SLC6A6: variants seen among roughly 807,000 people sequenced by gnomAD.
The protein encoded by SLC6A6 is sodium- and chloride-dependent taurine transporter.
A neutral mutation model predicts 68.8 loss-of-function variants in SLC6A6; 16 were observed. That is an observed-to-expected ratio of 0.23 (90% CI 0.16 to 0.35). SLC6A6 has a LOEUF of 0.35. Ranked by LOEUF, SLC6A6 falls within the 10% of genes least tolerant of loss-of-function variation. The pLI is 1.00. For missense variants in SLC6A6, 474 were observed against 802.8 expected, an observed-to-expected ratio of 0.59 and a Z score of 4.95; for synonymous variants, 312 against 315.4, an observed-to-expected ratio of 0.99 and a Z score of 0.12.
chr3:14,420,646 G>A (rs569921721), intron 2 of SLC6A6, among the ~76,000 whole-genome samples: 2 of 152,112 alleles, frequency 1.3e-5, no homozygotes, highest in African/African-American at 2.4e-5. Flanking sequence ...ATGCCTCCAT[G>A]CCTGGCTAAT....
Position 14,481,993 on chromosome 3 carries a change from G to A in SLC6A6, c.1722+152G>A, listed in dbSNP as rs551819237. ...AGTGGTTCAGCTTATGGGCAGCAGA[G>A]TGCATTGTGGGAAGACGGGAAGCAA... On this transcript the variant is annotated intron_variant, in intron 14 of 14. Coordinates refer to ENST00000622186, the MANE Select transcript of SLC6A6 (RefSeq NM_003043.6). The surrounding 1 kb of genome is among the most constrained non-coding windows in gnomAD (Gnocchi z 4.7). 2 of 635,280 alleles carry A rather than the reference G, an allele frequency of 3.1e-6. No homozygotes were observed. Among genetic ancestry groups the A allele is most frequent in the South Asian group, 3.9e-5 (2 of 50,772 alleles). 39.4% of individuals were successfully genotyped at this position (635,280 alleles called of 1,614,324 possible). A position where few individuals can be genotyped will look rare whatever the true frequency, so the allele number is the denominator to read the frequency against.
chr3:14,421,077 TAA>T (rs1699475121), intron 2 of SLC6A6, among the ~76,000 whole-genome samples: 1 of 152,190 alleles, frequency 6.6e-6, no homozygotes, highest in Non-Finnish European at 1.5e-5. Context: ...CACTCTGGCC[TAA>T]TATCAGTGAC....
chr3:14,432,375 G>A (rs892363576), intron 2 of SLC6A6, among the ~76,000 whole-genome samples: 18 of 152,136 alleles, frequency 1.2e-4, no homozygotes, highest in African/African-American at 4.3e-4. Flanking sequence ...GGCTGCTAGC[G>A]AAGCTGACAG....
intron 12 of SLC6A6, chr3:14,478,873 A>G (rs1482530036): frequency 3.4e-6 from 2 of 595,768 alleles, no homozygotes; most frequent in East Asian, 2.8e-5. Context: ...TTGCACACCT[A>G]GGGTTTGGAG....
chr3:14,430,529 C>T (rs932177942), intron 2 of SLC6A6, among the ~76,000 whole-genome samples: 5 of 152,208 alleles, frequency 3.3e-5, no homozygotes, highest in South Asian at 2.1e-4. Context: ...TGAGAAGCGT[C>T]GGTCCTCCCT....
intron 2 of SLC6A6, among the ~76,000 whole-genome samples, chr3:14,429,609 G>A (rs765022421): frequency 1.3e-5 from 2 of 152,170 alleles, no homozygotes; most frequent in Admixed American, 6.5e-5. Context: ...TATTAGCACC[G>A]CCATTCCCAA....
Position 14,482,009 on chromosome 3 carries a change from C to T in SLC6A6, c.1722+168C>T, listed in dbSNP as rs538081095. Among the ~76,000 whole-genome samples, 6 of 152,272 alleles carry T rather than the reference C, an allele frequency of 3.9e-5. No homozygotes were observed. In the South Asian group the frequency reaches 8.3e-4, roughly 21 times the overall value. On this transcript the variant is annotated intron_variant, in intron 14 of 14. Coordinates refer to ENST00000622186, the MANE Select transcript of SLC6A6 (RefSeq NM_003043.6). ...GGCAGCAGAGTGCATTGTGGGAAGA[C>T]GGGAAGCAAGTAGAGTTCACATGGG...
chr3:14,430,039 C>T (rs1213919712), intron 2 of SLC6A6, among the ~76,000 whole-genome samples: 1 of 152,082 alleles, frequency 6.6e-6, no homozygotes, highest in African/African-American at 2.4e-5. Flanking sequence ...CAGGGTCTTC[C>T]AGGTGGGTGG....
chr3:14,458,131 G>C (rs774245573), intron 6 of SLC6A6, 49 bp downstream of exon 6: 1 of 1,580,500 alleles, frequency 6.3e-7, no homozygotes, highest in Non-Finnish European at 8.7e-7. Context: ...GCTGTGCCAG[G>C]CTGGCCCTCT....
In SLC6A6 at chr3:14,453,040, C is replaced by T. The variant is rs531788585; in HGVS notation, c.600-4910C>T. Among the ~76,000 whole-genome samples the T allele has an allele frequency of 3.9e-5, 6 of 152,336 alleles. No individual in the cohort carries two copies. In the East Asian group the frequency reaches 7.7e-4, roughly 20 times the overall value. ...TCAGCCAATCTTCCCCTGCAGCTGT[C>T]GGAAAGAGGAGGCGGTGGAGAAAGG... On this transcript the variant is annotated intron_variant, in intron 5 of 14. Transcript: ENST00000622186.
At chr3:14,446,915 C>T (rs539415292) in intron 4 of SLC6A6, among the ~76,000 whole-genome samples, 6 of 152,242 alleles carry the variant, frequency 3.9e-5, no homozygotes, top group South Asian at 2.1e-4. Flanking sequence ...TCTCTTCATT[C>T]GGTCATCCAC....
chr3:14,408,785 C>G (rs1699166836), intron 1 of SLC6A6, among the ~76,000 whole-genome samples: 1 of 151,658 alleles, frequency 6.6e-6, no homozygotes, highest in African/African-American at 2.4e-5. Flanking sequence ...TGGAAGCTAG[C>G]TGTAGTTTTG....
chr3:14,432,735 G>A (rs1699757513), intron 2 of SLC6A6: 1 of 152,254 alleles, frequency 6.6e-6, no homozygotes, highest in Non-Finnish European at 1.5e-5. Context: ...CTGCAGATGG[G>A]GCTGCTCTCG....
intron 14 of SLC6A6, among the ~76,000 whole-genome samples, chr3:14,484,446 G>A (rs1701088604): frequency 6.6e-6 from 1 of 152,236 alleles, no homozygotes; most frequent in African/African-American, 2.4e-5. Context: ...TGGGAGCCAT[G>A]GAGGCTGAAG....
intron 2 of SLC6A6, among the ~76,000 whole-genome samples, chr3:14,433,000 C>T (rs1162290390): frequency 3.3e-5 from 5 of 152,214 alleles, no homozygotes; most frequent in East Asian, 1.9e-4. Flanking sequence ...TGACCAGACA[C>T]GGAACCTTGT....
intron 6 of SLC6A6, among the ~76,000 whole-genome samples, chr3:14,466,304 G>C (rs1369836010): frequency 1.3e-5 from 2 of 150,982 alleles, no homozygotes; most frequent in African/African-American, 4.9e-5. Context: ...CTGTGAGGTA[G>C]GTACCTGTAT....
In SLC6A6 at chr3:14,403,081, T is replaced by A. The variant is rs1699023984; in HGVS notation, c.-54+234T>A. Among the ~76,000 whole-genome samples the A allele has an allele frequency of 6.4e-4, 7 of 10,892 alleles. No homozygotes were observed. The South Asian group carries it at 0.016, about 25-fold the overall frequency. 7.1% of individuals were successfully genotyped at this position (10,892 alleles called of 152,430 possible). A position where few individuals can be genotyped will look rare whatever the true frequency, so the allele number is the denominator to read the frequency against. ...TCTTGGTGCGGGCGGCAGGAGAGTG[T>A]GTGTGTGTGTGTGTGTGTGTGTGTG... On this transcript the variant is annotated intron_variant, in intron 1 of 14. Coordinates refer to ENST00000622186, the MANE Select transcript of SLC6A6 (RefSeq NM_003043.6).
chr3:14,438,164 A>G (rs944574667), intron 2 of SLC6A6, among the ~76,000 whole-genome samples: 1 of 151,852 alleles, frequency 6.6e-6, no homozygotes, highest in East Asian at 1.9e-4. Context: ...TTTTTTTAAA[A>G]CAAACACAGG....
At position 14,484,919 on chromosome 3, in the gene SLC6A6, G is replaced by C; in HGVS notation, c.1775G>C (p.Arg592Pro). Residue 592 changes from arginine to proline, a missense_variant, in exon 15 of 15, where the codon CGC (arginine) becomes CCC (proline). By Grantham distance (103) the Arg-to-Pro change is moderately radical (BLOSUM62 -2). Transcript: ENST00000622186. ...GAACCCAACCGCTGGGCTGTGGAGCGCGAGGGAGCCACACCTTACAACTCT... is the reference window on the plus strand; with the variant it reads ...GAACCCAACCGCTGGGCTGTGGAGCCCGAGGGAGCCACACCTTACAACTCT... ...PREPNRWAVEREGATPYNSRT... is the reference protein window; with the variant it reads ...PREPNRWAVEPEGATPYNSRT... 6.2e-7 allele frequency: 1 copy of C among 1,612,336 alleles called. No homozygotes were observed. Among genetic ancestry groups the C allele is most frequent in the Non-Finnish European group, 8.5e-7 (1 of 1,179,904 alleles).
Sources: allele counts gnomAD v4.1 joint callset (sites outside exome capture counted in the v4.1 genomes callset), GRCh38; gene constraint gnomAD v4.1.1; non-coding constraint Gnocchi (gnomAD v3.1); transcripts MANE v1.5; gene names NCBI Gene and HGNC (gene_info 2026-07-23, HGNC 2026-07-21).